The following PIK3C2A variants were observed in gnomAD, a reference collection of about 807,000 sequenced individuals.
PIK3C2A encodes the protein phosphatidylinositol-4-phosphate 3-kinase catalytic subunit type 2 alpha, also known as phosphatidylinositol 4-phosphate 3-kinase C2 domain-containing subunit alpha.
A neutral mutation model predicts 204.5 loss-of-function variants in PIK3C2A; 97 were observed. The ratio of observed to expected loss-of-function variants is 0.47; its 90% CI spans 0.40 to 0.56. PIK3C2A has a LOEUF of 0.56. Ranked by LOEUF, PIK3C2A falls within the 20% of genes least tolerant of loss-of-function variation. The pLI, the probability that PIK3C2A is intolerant of heterozygous loss-of-function variation, is 0.00. For missense variants in PIK3C2A, 1,735 were observed against 1,969.2 expected (o/e 0.88, Z 2.25); for synonymous variants, 653 against 664.4 (o/e 0.98, Z 0.26).
At position 17,091,351 on chromosome 11, in the gene PIK3C2A, G is replaced by T; in HGVS notation, c.4861C>A (p.Pro1621Thr). The T allele has an allele frequency of 6.2e-7, 1 of 1,612,684 alleles. No homozygotes were observed. Among genetic ancestry groups the T allele is most frequent in the Non-Finnish European group, 8.5e-7 (1 of 1,179,274 alleles). The change falls in exon 32 of 33, where the codon CCG becomes ACG. Residue 1621 changes from proline (P) to threonine (T), a missense_variant. By Grantham distance (38) the Pro-to-Thr change is conservative. Coordinates refer to ENST00000691414, the MANE Select transcript of PIK3C2A (RefSeq NM_002645.4). The stretch of plus-strand genomic sequence containing the variant: ...TAACTTACCATTTCATTGAATGTCG[G>T]ATTCCTCGTTTTTCGTGAAATTTTG... ...KTKISRKTRN[P>T]TFNEMLVYSG... is the part of the protein sequence containing the mutation.
At position 17,135,127 on chromosome 11, in the gene PIK3C2A, G is replaced by A; in HGVS notation, c.1881C>T (p.Ser627=). The A allele has an allele frequency of 6.2e-7, 1 of 1,613,972 alleles. No homozygotes were observed. The highest frequency in any genetic ancestry group is 8.5e-7 in the Non-Finnish European group (1 of 1,179,946). Residue 627 remains serine (S), a synonymous_variant, in exon 10 of 33, where the codon AGC becomes AGT. Transcript: ENST00000691414. ...VTSLFGGEDT[S]RSSTRGSLNP... is the part of the protein sequence containing the mutation. ...AACACATACCCCTAGTTGAACTCCT[G>A]CTAGTGTCTTCTCCTCCAAACAAAG...
intron 25 of PIK3C2A, 91 bp downstream of exon 25, chr11:17,101,187 T>G (rs1848612704): frequency 1.3e-6 from 1 of 798,192 alleles, no homozygotes; most frequent in African/African-American, 1.7e-5. Context: ...AAAGCAAATT[T>G]TATTCCAAAA....
At chr11:17,125,227 T>C (rs1849484944) in intron 13 of PIK3C2A, among the ~76,000 whole-genome samples, 1 of 152,186 alleles carries the variant, frequency 6.6e-6, no homozygotes, top group African/African-American at 2.4e-5. Flanking sequence ...CTTACATCAA[T>C]GGTTCTCAAC....
intron 27 of PIK3C2A, among the ~76,000 whole-genome samples, chr11:17,095,360 G>A (rs1369878368): frequency 6.8e-6 from 1 of 148,096 alleles, no homozygotes. Flanking sequence ...TGGATCACAA[G>A]GTCAGGATAT....
rs776548184 is a variant in PIK3C2A, at chr11:17,150,543, T to C, written c.1282A>G (p.Ile428Val). ...CGENASVKVS[I>V]DIEGFQLPVT... Reference sequence around the variant, plus strand: ...GGTAGCTGAAATCCTTCAATGTCAATGGAGACCTTCACACTAGCATTTTCT... The same window carrying C: ...GGTAGCTGAAATCCTTCAATGTCAACGGAGACCTTCACACTAGCATTTTCT... Residue 428 changes from isoleucine (I) to valine (V), a missense_variant, in exon 4 of 33, where the codon ATT becomes GTT. Transcript: ENST00000691414. The C allele has an allele frequency of 2.4e-5, 38 of 1,610,708 alleles. No homozygotes were observed. The Admixed American group carries it at 3.2e-4, about 14-fold the overall frequency.
intron 13 of PIK3C2A, among the ~76,000 whole-genome samples, chr11:17,127,564 C>A (rs946669602): frequency 1.8e-4 from 28 of 152,128 alleles, no homozygotes; most frequent in African/African-American, 6.8e-4. Flanking sequence ...CCACCTCAGC[C>A]TCCCAAAATG....
intron 11 of PIK3C2A, among the ~76,000 whole-genome samples, chr11:17,132,620 C>T (rs956613454): frequency 1.1e-4 from 16 of 151,794 alleles, no homozygotes; most frequent in Admixed American, 3.9e-4. Flanking sequence ...TGAGCCACCG[C>T]GCCCGGCCAA....
rs116106418 is a variant in PIK3C2A at position 17,195,596 on chromosome 11, C to T, written c.-66+12252G>A. On this transcript the variant is annotated intron_variant, in intron 1 of 32. Transcript: ENST00000691414. ...ATTGACCAGGCATGGTGGAGTGCAC[C>T]ACATAGCAGTCGTTGTTGCTGTCGT... Among the ~76,000 whole-genome samples, 886 of 151,770 alleles carry T rather than the reference C, an allele frequency of 5.8e-3. 10 individuals are homozygous for T. The highest frequency in any genetic ancestry group is 0.02 in the African/African-American group (844 of 41,370).
At chr11:17,111,651 C>A (rs1372188809) in intron 21 of PIK3C2A, among the ~76,000 whole-genome samples, 2 of 151,642 alleles carry the variant, frequency 1.3e-5, no homozygotes, top group East Asian at 3.9e-4. Context: ...CCGAGACGGG[C>A]AGATCACCTG....
At chr11:17,198,743 G>A (rs1256607874) in intron 1 of PIK3C2A, among the ~76,000 whole-genome samples, 1 of 151,610 alleles carries the variant, frequency 6.6e-6, no homozygotes, top group Non-Finnish European at 1.5e-5. Context: ...ACTGCATTAC[G>A]ATTGTCTCTG....
chr11:17,206,082 T>G (rs1197693021), intron 1 of PIK3C2A, among the ~76,000 whole-genome samples: 1 of 152,314 alleles, frequency 6.6e-6, no homozygotes, highest in East Asian at 1.9e-4. Context: ...CTCGTGCCAC[T>G]GCACTCCAGC....
chr11:17,124,726 T>C (rs1849468685), intron 13 of PIK3C2A, among the ~76,000 whole-genome samples: 1 of 152,256 alleles, frequency 6.6e-6, no homozygotes, highest in African/African-American at 2.4e-5. Flanking sequence ...CTATATGGTC[T>C]GCAAAGCCTA....
Position 17,136,516 on chromosome 11 carries a change from C to G in PIK3C2A, c.1814G>C (p.Arg605Thr), listed in dbSNP as rs1048390505. The change falls in exon 9 of 33, where the codon AGA becomes ACA. Residue 605 changes from arginine to threonine, a missense_variant. Physicochemically the swap from Arg to Thr is moderately conservative, Grantham distance 71 (BLOSUM62 -1). Coordinates refer to ENST00000691414, the MANE Select transcript of PIK3C2A (RefSeq NM_002645.4). ...AITESVKKLK[R>T]AVNLPRSKTA... ...TTTACTCCTTGGAAGATTAACTGCT[C>G]TCTTTAGCTTCTTTACTGATTCTGT... The G allele has an allele frequency of 6.2e-7, 1 of 1,610,538 alleles. No homozygotes were observed. Among genetic ancestry groups the G allele is most frequent in the African/African-American group, 1.3e-5 (1 of 74,858 alleles).
In PIK3C2A at chr11:17,136,465, T is replaced by C; in HGVS notation, c.1848+17A>G. 1 of 1,588,204 alleles carries C rather than the reference T, an allele frequency of 6.3e-7. No homozygotes were observed. ...ATATTTGCATGTAATAAAATCCTAGTTACCAAAAATACTCACATCAGCAGT... is the reference window on the plus strand; with the variant it reads ...ATATTTGCATGTAATAAAATCCTAGCTACCAAAAATACTCACATCAGCAGT... On this transcript the variant is annotated intron_variant, in intron 9 of 32. Transcript: ENST00000691414.
At chr11:17,091,919 C>T (rs1848320273) in intron 30 of PIK3C2A, 77 bp downstream of exon 30, 3 of 919,486 alleles carry the variant, frequency 3.3e-6, no homozygotes, top group Non-Finnish European at 5.4e-6. Context: ...AGCCTGCTGT[C>T]ATTCTACCAC....
At chr11:17,127,151 C>T (rs1849552951) in intron 13 of PIK3C2A, among the ~76,000 whole-genome samples, 1 of 152,070 alleles carries the variant, frequency 6.6e-6, no homozygotes, top group African/African-American at 2.4e-5. Flanking sequence ...TAACAGTAAT[C>T]CCTTCAACTG....
intron 1 of PIK3C2A, among the ~76,000 whole-genome samples, chr11:17,173,524 A>G (rs537688404): frequency 6.6e-6 from 1 of 152,334 alleles, no homozygotes; most frequent in Non-Finnish European, 1.5e-5. Flanking sequence ...TCTGGCTAAT[A>G]TTACACTGGC....
intron 1 of PIK3C2A, among the ~76,000 whole-genome samples, chr11:17,175,431 T>TG (rs1851306313): frequency 6.6e-6 from 1 of 152,230 alleles, no homozygotes; most frequent in Non-Finnish European, 1.5e-5. Flanking sequence ...GTGCTTCAGC[T>TG]GTTTTTCTGG....
chr11:17,150,411 G>T, intron 4 of PIK3C2A, 87 bp downstream of exon 4: 1 of 1,160,972 alleles, frequency 8.6e-7, no homozygotes, highest in Non-Finnish European at 1.2e-6. Flanking sequence ...TAACAAAATT[G>T]GTTTATTAAA....
Sources: gnomAD v4.1 joint callset for allele counts (sites outside exome capture counted in the v4.1 genomes callset) on GRCh38, gnomAD v4.1.1 for gene constraint, MANE v1.5 for transcripts, NCBI Gene and HGNC (gene_info 2026-07-23, HGNC 2026-07-21) for gene names.